Variants in H6PD observed in about 807,000 individuals in gnomAD.
The protein encoded by H6PD is hexose-6-phosphate dehydrogenase/glucose 1-dehydrogenase, also known as GDH/6PGL endoplasmic bifunctional protein.
A neutral mutation model predicts 61.2 loss-of-function variants in H6PD; 48 were observed. The ratio of observed to expected loss-of-function variants is 0.78; its 90% CI spans 0.62 to 1.00. H6PD has a LOEUF of 1.00. H6PD is among the 50% of genes least tolerant of loss of function. H6PD has a pLI of 0.00. For synonymous variants in H6PD, 480 were observed against 457.9 expected (o/e 1.05, Z -0.62); for missense variants, 1,093 against 1,065.0 (o/e 1.03, Z -0.37).
Position 9,268,932 on chromosome 1 carries a change from C to T in H6PD, c.*4063C>T, listed in dbSNP as rs951084822. 6.6e-6 allele frequency: 1 copy of T among 152,192 alleles called. No individual in the cohort carries two copies. Among genetic ancestry groups the T allele is most frequent in the African/African-American group, 2.4e-5 (1 of 41,444 alleles). 9.4% of individuals were successfully genotyped at this position (152,192 alleles called of 1,614,324 possible). ...CAGAATTTGGTTTTCAAGTACAAAA[C>T]TTTTTGTCCTGTAAGATATATGCAG... On this transcript the variant is annotated 3_prime_UTR_variant, in exon 5 of 5. Coordinates refer to ENST00000377403, the MANE Select transcript of H6PD (RefSeq NM_004285.4).
chr1:9,240,381 C>T (rs1316024803), intron 1 of H6PD, among the ~76,000 whole-genome samples: 1 of 152,182 alleles, frequency 6.6e-6, no homozygotes, highest in Admixed American at 6.5e-5. Context: ...TCGAAGCACT[C>T]ATTTGCCTTA....
chr1:9,263,431 C>A, intron 4 of H6PD, 78 bp from the exon 5 acceptor site: 1 of 1,428,944 alleles, frequency 7.0e-7, no homozygotes. Flanking sequence ...CCAGAGGAGC[C>A]GGCAAGGAGA....
chr1:9,250,317 G>A (rs774105777), intron 3 of H6PD, among the ~76,000 whole-genome samples: 4 of 152,002 alleles, frequency 2.6e-5, no homozygotes, highest in Non-Finnish European at 5.9e-5. Flanking sequence ...TTCGGAGCCC[G>A]CGGTCTGACT....
chr1:9,244,323 T>A (rs2100323884), intron 1 of H6PD, among the ~76,000 whole-genome samples: 1 of 152,346 alleles, frequency 6.6e-6, no homozygotes, highest in East Asian at 1.9e-4. Flanking sequence ...CCAGGTTAAA[T>A]AATTGTGCAC....
At position 9,262,154 on chromosome 1, in the gene H6PD, C is replaced by T. The variant is rs1570121405; in HGVS notation, c.841C>T (p.His281Tyr). ...VLTLVAMELP[H>Y]NVSSAEAVLR... ...CACCCTCGTGGCCATGGAGCTGCCC[C>T]ACAATGTCAGCAGTGCGGAGGCTGT... Residue 281 changes from histidine to tyrosine, a missense_variant, in exon 4 of 5, where the codon CAC becomes TAC. Transcript: ENST00000377403. 1.2e-6 allele frequency: 2 copies of T among 1,614,136 alleles called. No individual in the cohort carries two copies. The highest frequency in any genetic ancestry group is 1.7e-6 in the Non-Finnish European group (2 of 1,180,050).
chr1:9,256,951 G>A (rs554325524), intron 3 of H6PD, among the ~76,000 whole-genome samples: 3 of 152,130 alleles, frequency 2.0e-5, no homozygotes, highest in South Asian at 4.2e-4. Context: ...GTATGTGTCC[G>A]AGCATGGATC....
Position 9,269,915 on chromosome 1 carries a change from G to C in H6PD, c.*5046G>C, listed in dbSNP as rs2100427691. ...CAAGGTGGGGTATGAGTGAGAAGCTGAGGATCTCGCAGCTTGTTGCTGAGC... is the reference window on the plus strand; with the variant it reads ...CAAGGTGGGGTATGAGTGAGAAGCTCAGGATCTCGCAGCTTGTTGCTGAGC... On this transcript the variant is annotated 3_prime_UTR_variant, in exon 5 of 5. Coordinates refer to ENST00000377403, the MANE Select transcript of H6PD (RefSeq NM_004285.4). This position sits in a 1 kb window ranked among gnomAD's most constrained non-coding sequence, Gnocchi z 4.3. The C allele has an allele frequency of 6.6e-6, 1 of 152,664 alleles. No individual in the cohort carries two copies. Among genetic ancestry groups the C allele is most frequent in the East Asian group, 1.9e-4 (1 of 5,190 alleles). 9.5% of individuals were successfully genotyped at this position (152,664 alleles called of 1,614,324 possible).
intron 1 of H6PD, among the ~76,000 whole-genome samples, chr1:9,244,107 A>G (rs1168409351): frequency 6.6e-6 from 1 of 152,158 alleles, no homozygotes; most frequent in Non-Finnish European, 1.5e-5. Flanking sequence ...GGATTCATTG[A>G]GCTCTAATAC....
Position 9,245,236 on chromosome 1 carries a change from A to G in H6PD, c.302A>G (p.Gln101Arg). 6.2e-7 allele frequency: 1 copy of G among 1,614,202 alleles called. No homozygotes were observed. Among genetic ancestry groups the G allele is most frequent in the Non-Finnish European group, 8.5e-7 (1 of 1,180,014 alleles). Residue 101 changes from glutamine to arginine, a missense_variant, in exon 2 of 5, where the codon CAG (glutamine) becomes CGG (arginine). By Grantham distance (43) the Gln-to-Arg change is conservative (BLOSUM62 1). Coordinates refer to ENST00000377403, the MANE Select transcript of H6PD (RefSeq NM_004285.4). This position sits in a 1 kb window ranked among gnomAD's most constrained non-coding sequence, Gnocchi z 4.8. The stretch of plus-strand genomic sequence containing the variant: ...AGTCACTGTGCAGAGCACAAGGATC[A>G]GTTCCTGCAGCTGAGCCAGTACCGC... ...APSHCAEHKD[Q>R]FLQLSQYRQL...
rs755382139 is a variant in H6PD, at chr1:9,263,969, C to A, written c.1476C>A (p.Ser492Arg). ...SWNFWTPLLE[S>R]LAHKAPRLYP... The stretch of plus-strand genomic sequence containing the variant: ...ACTTCTGGACCCCTCTGCTGGAGAG[C>A]CTGGCCCATAAGGCCCCACGCCTCT... The change falls in exon 5 of 5, where the codon AGC (serine) becomes AGA (arginine). Residue 492 changes from serine (S) to arginine (R), a missense_variant. By Grantham distance (110) the Ser-to-Arg change is moderately radical. Coordinates refer to ENST00000377403, the MANE Select transcript of H6PD (RefSeq NM_004285.4). 5 of 1,614,104 alleles carry A rather than the reference C, an allele frequency of 3.1e-6. No homozygotes were observed. The highest frequency in any genetic ancestry group is 4.2e-6 in the Non-Finnish European group (5 of 1,180,038).
chr1:9,267,089 G>C lies in H6PD; in HGVS notation c.*2220G>C, dbSNP rs1024015381. The C allele has an allele frequency of 3.9e-5, 6 of 152,632 alleles. No individual in the cohort carries two copies. Among genetic ancestry groups the C allele is most frequent in the Admixed American group, 6.5e-5 (1 of 15,278 alleles). The allele number at this position is 152,632 out of a possible 1,614,324, so 9.5% of individuals were successfully genotyped here. On this transcript the variant is annotated 3_prime_UTR_variant, in exon 5 of 5. Transcript: ENST00000377403. ...CCCACCTCAGCCTCCCAAAGTGCTG[G>C]GATTACAGGCGTGAGCCACCGCGCC...
chr1:9,264,820 A>C lies in H6PD; in HGVS notation c.2327A>C (p.His776Pro). 6.2e-7 allele frequency: 1 copy of C among 1,612,574 alleles called. No homozygotes were observed. ...KKWPISGVLP[H>P]SGQLVWYMDY... ...TGGCCCATCTCGGGTGTCCTGCCGC[A>C]CTCCGGCCAGCTGGTGTGGTACATG... The change falls in exon 5 of 5, where the codon CAC becomes CCC. Residue 776 changes from histidine to proline, a missense_variant. Physicochemically the swap from His to Pro is moderately conservative, Grantham distance 77. Coordinates refer to ENST00000377403, the MANE Select transcript of H6PD (RefSeq NM_004285.4).
chr1:9,252,770 ACT>A (rs1264704916), intron 3 of H6PD, among the ~76,000 whole-genome samples: 4 of 152,064 alleles, frequency 2.6e-5, no homozygotes, highest in Non-Finnish European at 5.9e-5. Flanking sequence ...TCTAGCTGTT[ACT>A]CTCTGTTATG....
At chr1:9,259,827 T>TA (rs140227511) in intron 3 of H6PD, among the ~76,000 whole-genome samples, 58,671 of 151,624 alleles carry the variant, frequency 0.39, 12,631 homozygotes, top group East Asian at 0.54. Context: ...GTTATGTTGT[T>TA]ATGCTGGTGT....
rs1344778560 is a variant in H6PD at position 9,234,981 on chromosome 1, AG to A, written c.-92del. The A allele has an allele frequency of 2.0e-4, 30 of 147,786 alleles. No individual in the cohort carries two copies. The highest frequency in any genetic ancestry group is 2.0e-3 in the Admixed American group (30 of 14,910). The allele number at this position is 147,786 out of a possible 1,614,324, so 9.2% of individuals were successfully genotyped here. A position where few individuals can be genotyped will look rare whatever the true frequency, so the allele number is the denominator to read the frequency against. ...GAAGAGGAGGTGCGGCCCAGGGCGC[AG>A]GGGAGCCCTCGGGAGCGGGCCCGGC... is the stretch of plus-strand genomic sequence containing the variant. On this transcript the variant is annotated 5_prime_UTR_variant, in exon 1 of 5. Coordinates refer to ENST00000377403, the MANE Select transcript of H6PD (RefSeq NM_004285.4).
At chr1:9,251,010 C>T (rs747648366) in intron 3 of H6PD, among the ~76,000 whole-genome samples, 6 of 152,194 alleles carry the variant, frequency 3.9e-5, no homozygotes, top group Non-Finnish European at 7.3e-5. Context: ...TTCCCAGCTC[C>T]CTCTCAGCCT....
At chr1:9,236,859 T>A (rs1640862171) in intron 1 of H6PD, among the ~76,000 whole-genome samples, 1 of 152,152 alleles carries the variant, frequency 6.6e-6, no homozygotes, top group African/African-American at 2.4e-5. Flanking sequence ...AGAATATTCT[T>A]ATGTAACCAG....
chr1:9,253,401 T>C (rs1263969997), intron 3 of H6PD, among the ~76,000 whole-genome samples: 2 of 152,180 alleles, frequency 1.3e-5, no homozygotes, highest in African/African-American at 4.8e-5. Context: ...AGGGACTCTG[T>C]TGTGTTCCCT....
chr1:9,250,732 G>T (rs1328369180), intron 3 of H6PD, among the ~76,000 whole-genome samples: 1 of 152,184 alleles, frequency 6.6e-6, no homozygotes, highest in Non-Finnish European at 1.5e-5. Context: ...CCTGGGAAAT[G>T]GAGCATTCCC....
Sources: allele counts gnomAD v4.1 joint callset (sites outside exome capture counted in the v4.1 genomes callset), GRCh38; gene constraint gnomAD v4.1.1; non-coding constraint Gnocchi (gnomAD v3.1); transcripts MANE v1.5; gene names NCBI Gene and HGNC (gene_info 2026-07-23, HGNC 2026-07-21).